SNX29: variants seen among roughly 807,000 people sequenced by gnomAD.
The protein encoded by SNX29 is sorting nexin 29, also known as sorting nexin-29.
In SNX29, 78 loss-of-function variants were observed where a neutral mutation model predicts 102.1. The observed-to-expected ratio is 0.76, with a 90% CI of 0.64 to 0.92. The LOEUF is 0.92. SNX29 is among the 40% of genes least tolerant of loss of function. The pLI is 0.00. For missense variants in SNX29, 1,280 were observed against 1,061.7 expected (o/e 1.21, Z -2.86); for synonymous variants, 580 against 414.5 (o/e 1.40, Z -4.85).
At chr16:12,202,332 T>G (rs2076933532) in intron 14 of SNX29, among the ~76,000 whole-genome samples, 1 of 152,284 alleles carries the variant, frequency 6.6e-6, no homozygotes, top group South Asian at 2.1e-4. Flanking sequence ...AATGGAAAGT[T>G]TTTTTTGTTT....
chr16:12,188,226 C>G (rs2076559817), intron 13 of SNX29, among the ~76,000 whole-genome samples: 1 of 152,290 alleles, frequency 6.6e-6, no homozygotes, highest in Admixed American at 6.5e-5. Flanking sequence ...TATTTATACA[C>G]ACACATACTT....
chr16:12,039,569 G>C (rs1170586341), intron 4 of SNX29, among the ~76,000 whole-genome samples: 1 of 152,042 alleles, frequency 6.6e-6, no homozygotes, highest in Non-Finnish European at 1.5e-5. Flanking sequence ...CTGGAGATGG[G>C]TGTACTTGCC....
At chr16:12,562,603 C>T (rs550386443) in intron 20 of SNX29, among the ~76,000 whole-genome samples, 2 of 152,314 alleles carry the variant, frequency 1.3e-5, no homozygotes, top group Non-Finnish European at 2.9e-5. Context: ...ACAAAGGTCG[C>T]TGGCTCTTGA....
chr16:12,278,789 T>G (rs2079338412), intron 15 of SNX29, among the ~76,000 whole-genome samples: 1 of 152,208 alleles, frequency 6.6e-6, no homozygotes, highest in Non-Finnish European at 1.5e-5. Context: ...AGTCGCATAT[T>G]AAAAGAACAG....
intron 18 of SNX29, among the ~76,000 whole-genome samples, chr16:12,463,472 T>C (rs2086903442): frequency 6.6e-6 from 1 of 152,156 alleles, no homozygotes; most frequent in Admixed American, 6.5e-5. Context: ...AAAGAAAGCT[T>C]GTGCAGAGAA....
intron 14 of SNX29, among the ~76,000 whole-genome samples, chr16:12,233,188 C>T (rs990330447): frequency 1.3e-5 from 2 of 152,140 alleles, no homozygotes; most frequent in Non-Finnish European, 2.9e-5. Context: ...GTAGTCAGTC[C>T]AGGTACCCAT....
At chr16:12,362,179 C>G (rs1473247872) in intron 16 of SNX29, among the ~76,000 whole-genome samples, 1 of 152,176 alleles carries the variant, frequency 6.6e-6, no homozygotes, top group African/African-American at 2.4e-5. Context: ...AATGGATTTC[C>G]CCAGGTCCCT....
chr16:12,535,847 C>A (rs1214388407), intron 20 of SNX29, among the ~76,000 whole-genome samples: 1 of 152,110 alleles, frequency 6.6e-6, no homozygotes, highest in African/African-American at 2.4e-5. Context: ...CTTAGATCGG[C>A]CATGGGAGCC....
intron 14 of SNX29, among the ~76,000 whole-genome samples, chr16:12,267,328 G>A (rs751791746): frequency 1.1e-3 from 165 of 152,160 alleles, no homozygotes; most frequent in Non-Finnish European, 2.2e-3. Context: ...GTTCCCAAGC[G>A]GGGGATTTTG....
intron 20 of SNX29, among the ~76,000 whole-genome samples, chr16:12,557,907 A>C (rs547272842): frequency 1.3e-5 from 2 of 152,156 alleles, no homozygotes; most frequent in African/African-American, 2.4e-5. Context: ...GAGGATTCTC[A>C]AGTCGTCAGG....
chr16:12,252,809 G>A (rs569616301), intron 14 of SNX29, among the ~76,000 whole-genome samples: 6 of 152,318 alleles, frequency 3.9e-5, no homozygotes, highest in African/African-American at 1.2e-4. Flanking sequence ...TTGGTGGGCC[G>A]CCAGCTGTGT....
At chr16:12,385,965 C>T (rs938666352) in intron 16 of SNX29, among the ~76,000 whole-genome samples, 1 of 152,206 alleles carries the variant, frequency 6.6e-6, no homozygotes, top group Non-Finnish European at 1.5e-5. Context: ...CTCCTGGGAG[C>T]AGAAGACGAT....
chr16:12,015,727 G>T (rs2056826952), intron 3 of SNX29, among the ~76,000 whole-genome samples: 2 of 126,894 alleles, frequency 1.6e-5, no homozygotes, highest in Non-Finnish European at 3.4e-5. Flanking sequence ...AGTAGAGATA[G>T]GGTTTCACCG....
chr16:12,379,138 A>G (rs1032302070), intron 16 of SNX29, among the ~76,000 whole-genome samples: 1 of 152,190 alleles, frequency 6.6e-6, no homozygotes, highest in African/African-American at 2.4e-5. Flanking sequence ...TCTTAAAAAA[A>G]TAGATAATGA....
At chr16:12,165,393 T>G (rs1482065925) in intron 13 of SNX29, among the ~76,000 whole-genome samples, 1 of 152,210 alleles carries the variant, frequency 6.6e-6, no homozygotes, top group African/African-American at 2.4e-5. Flanking sequence ...TGCTTGTCAA[T>G]TTTTGTCTCA....
At chr16:12,255,229 T>C (rs1479036601) in intron 14 of SNX29, among the ~76,000 whole-genome samples, 2 of 152,168 alleles carry the variant, frequency 1.3e-5, no homozygotes, top group Non-Finnish European at 2.9e-5. Context: ...TGAGTCTTGG[T>C]GCGACGCCCA....
Position 12,520,987 on chromosome 16 carries a change from T to C in SNX29, c.2179-3715T>C, listed in dbSNP as rs570052043. On this transcript the variant is annotated intron_variant, in intron 19 of 20. Coordinates refer to ENST00000566228, the MANE Select transcript of SNX29 (RefSeq NM_032167.5). ...ACTGAGGTGGGCGGATCACTTGAAG[T>C]CAGGAGTTCGAGAACAGTCGTCACT... 3.3e-5 allele frequency among the ~76,000 whole-genome samples: 5 copies of C among 152,154 alleles called. No individual in the cohort carries two copies. In the East Asian group the frequency reaches 9.7e-4, roughly 30 times the overall value.
At chr16:12,044,292 T>G (rs144766171) in intron 5 of SNX29, among the ~76,000 whole-genome samples, 55 of 152,336 alleles carry the variant, frequency 3.6e-4, no homozygotes, top group African/African-American at 1.3e-3. Context: ...AGGTCTCCTC[T>G]TCTGCTTTAT....
chr16:12,022,163 A>G (rs537229088), intron 3 of SNX29, among the ~76,000 whole-genome samples: 45 of 146,356 alleles, frequency 3.1e-4, no homozygotes, highest in Admixed American at 6.8e-4. Context: ...TAAGTATACA[A>G]TTCAGTGATT....
Sources: allele counts gnomAD v4.1 joint callset (sites outside exome capture counted in the v4.1 genomes callset), GRCh38; gene constraint gnomAD v4.1.1; transcripts MANE v1.5; gene names NCBI Gene and HGNC (gene_info 2026-07-23, HGNC 2026-07-21).